FMO5: variants seen among roughly 807,000 people sequenced by gnomAD.
FMO5 encodes the protein flavin containing dimethylaniline monoxygenase 5, also known as flavin-containing monooxygenase 5.
A neutral mutation model predicts 43.6 loss-of-function variants in FMO5; 51 were observed. The ratio of observed to expected loss-of-function variants is 1.17; its 90% CI spans 0.93 to 1.48. The LOEUF (loss-of-function observed/expected upper bound fraction) is 1.48, where lower values mean the gene tolerates loss of function less well. Ranked by LOEUF, FMO5 falls within the 40% of genes most tolerant of loss-of-function variation. The probability of loss-of-function intolerance (pLI) is 0.00; values close to 1 mark genes in which losing one functional copy is unlikely to be tolerated. For missense variants in FMO5, 644 were observed against 643.0 expected, an observed-to-expected ratio of 1.00 and a Z score of -0.02; for synonymous variants, 187 against 216.5, an observed-to-expected ratio of 0.86 and a Z score of 1.20.
intron 5 of FMO5, among the ~76,000 whole-genome samples, chr1:147,212,096 C>T (rs782749809): frequency 1.3e-5 from 2 of 152,212 alleles, no homozygotes; most frequent in African/African-American, 4.8e-5. Context: ...TTTATCAAAG[C>T]CAGAGGCACA....
chr1:147,220,996 G>C (rs955255830), intron 2 of FMO5, among the ~76,000 whole-genome samples: 5 of 149,892 alleles, frequency 3.3e-5, no homozygotes, highest in Non-Finnish European at 5.9e-5. Flanking sequence ...ACCCTTGATG[G>C]GAGGTGAGGA....
intron 7 of FMO5, among the ~76,000 whole-genome samples, chr1:147,200,717 C>T (rs755190582): frequency 6.6e-6 from 1 of 151,402 alleles, no homozygotes; most frequent in Admixed American, 6.6e-5. Context: ...AATTTTCGGC[C>T]GAAATAAAGT....
At chr1:147,187,846 T>C (rs1339375400) in intron 8 of FMO5, among the ~76,000 whole-genome samples, 1 of 152,164 alleles carries the variant, frequency 6.6e-6, no homozygotes, top group Non-Finnish European at 1.5e-5. Context: ...GAAAATGTGG[T>C]TGATTAACAG....
intron 5 of FMO5, 136 bp downstream of exon 5, chr1:147,212,257 C>T (rs1255262833): frequency 7.0e-6 from 6 of 853,766 alleles, no homozygotes; most frequent in African/African-American, 3.4e-5. Context: ...GGTAATGAAA[C>T]GAAGCCCTAT....
chr1:147,216,255 A>G (rs1282095595), intron 2 of FMO5, among the ~76,000 whole-genome samples: 1 of 152,180 alleles, frequency 6.6e-6, no homozygotes, highest in Non-Finnish European at 1.5e-5. Context: ...GAGAAATCCA[A>G]CTACCATGAG....
At position 147,186,741 on chromosome 1, in the gene FMO5, G is replaced by C; in HGVS notation, c.*159C>G. ...GATGAGTTAATACAAATGGAAAACA[G>C]GTTTCATTGTAGGAAAAAGGAAAGT... On this transcript the variant is annotated 3_prime_UTR_variant, in exon 9 of 9. Coordinates refer to ENST00000254090, the MANE Select transcript of FMO5 (RefSeq NM_001461.4). 1 of 1,435,516 alleles carries C rather than the reference G, an allele frequency of 7.0e-7. No homozygotes were observed. The highest frequency in any genetic ancestry group is 9.1e-7 in the Non-Finnish European group (1 of 1,100,976). 88.9% of individuals were successfully genotyped at this position (1,435,516 alleles called of 1,614,324 possible).
intron 7 of FMO5, among the ~76,000 whole-genome samples, chr1:147,193,943 G>T (rs1230822234): frequency 4.6e-5 from 7 of 151,950 alleles, no homozygotes; most frequent in African/African-American, 1.7e-4. Flanking sequence ...GATCAATTTT[G>T]CAATAGGTGT....
chr1:147,192,027 GT>G (rs1277825462), intron 7 of FMO5, among the ~76,000 whole-genome samples: 1 of 152,068 alleles, frequency 6.6e-6, no homozygotes, highest in Non-Finnish European at 1.5e-5. Context: ...CTTTAAAATA[GT>G]TTTTTCCAAT....
intron 6 of FMO5, among the ~76,000 whole-genome samples, chr1:147,201,907 A>G (rs7523812): frequency 0.093 from 14,091 of 152,250 alleles, 733 homozygotes; most frequent in African/African-American, 0.15. Flanking sequence ...TCAAGAGCTA[A>G]GTTTAGGCCA....
Position 147,213,289 on chromosome 1 carries a change from T to C in FMO5, c.487+19A>G. 2.5e-6 allele frequency: 4 copies of C among 1,591,038 alleles called. No individual in the cohort carries two copies. The highest frequency in any genetic ancestry group is 2.3e-5 in the South Asian group (2 of 86,086). On this transcript the variant is annotated intron_variant, in intron 4 of 8. Coordinates refer to ENST00000254090, the MANE Select transcript of FMO5 (RefSeq NM_001461.4). ...CACAGGCATGGGTCAAGGGTCTTCC[T>C]TCCTGGTAAGCTGCTCACCAGGGAA...
intron 7 of FMO5, among the ~76,000 whole-genome samples, chr1:147,191,613 A>T (rs1253678192): frequency 6.6e-6 from 1 of 150,898 alleles, no homozygotes; most frequent in Non-Finnish European, 1.5e-5. Context: ...GGTTGTGAAA[A>T]TTTTTTCCCA....
chr1:147,223,078 C>A (rs1663337385), intron 2 of FMO5, among the ~76,000 whole-genome samples: 1 of 152,190 alleles, frequency 6.6e-6, no homozygotes, highest in African/African-American at 2.4e-5. Context: ...TTATCCACTT[C>A]TTAAAGATGA....
At chr1:147,198,353 G>C (rs1457083442) in intron 7 of FMO5, among the ~76,000 whole-genome samples, 1 of 152,070 alleles carries the variant, frequency 6.6e-6, no homozygotes, top group Non-Finnish European at 1.5e-5. Context: ...TACTTAAGGA[G>C]CTATCACTAT....
At position 147,213,290 on chromosome 1, in the gene FMO5, T is replaced by C. The variant is rs782126269; in HGVS notation, c.487+18A>G. 8.2e-5 allele frequency: 130 copies of C among 1,590,834 alleles called. No homozygotes were observed. The highest frequency in any genetic ancestry group is 1.1e-4 in the Non-Finnish European group (129 of 1,168,012). On this transcript the variant is annotated intron_variant, in intron 4 of 8. Transcript: ENST00000254090. ...ACAGGCATGGGTCAAGGGTCTTCCT[T>C]CCTGGTAAGCTGCTCACCAGGGAAG...
At chr1:147,218,314 C>A (rs1553925481) in intron 2 of FMO5, among the ~76,000 whole-genome samples, 1 of 151,390 alleles carries the variant, frequency 6.6e-6, no homozygotes, top group Admixed American at 6.6e-5. Flanking sequence ...CAGCTCCCTG[C>A]AACCTCTGCC....
rs1442628583 is a variant in FMO5, at chr1:147,223,918, T to G, written c.135+977A>C. 1.6e-5 allele frequency: 6 copies of G among 366,080 alleles called. No individual in the cohort carries two copies. The Admixed American group carries it at 2.1e-4, about 13-fold the overall frequency. 22.7% of individuals were successfully genotyped at this position (366,080 alleles called of 1,614,324 possible). On this transcript the variant is annotated intron_variant, in intron 2 of 8. Transcript: ENST00000254090. Reference sequence around the variant, plus strand: ...TGTTGTCCTGGACTGAGAAGAAAGCTGCTAGCAAAGGGGATACCCCCATCG... The same window carrying G: ...TGTTGTCCTGGACTGAGAAGAAAGCGGCTAGCAAAGGGGATACCCCCATCG...
At chr1:147,209,630 T>C (rs587746560) in intron 5 of FMO5, 1 of 152,526 alleles carries the variant, frequency 6.6e-6, no homozygotes, top group African/African-American at 2.4e-5. Flanking sequence ...AGTGCTATTA[T>C]GCCTGCCTGA....
At chr1:147,223,687 A>G in intron 2 of FMO5, 1 of 178,514 alleles carries the variant, frequency 5.6e-6, no homozygotes, top group Non-Finnish European at 1.2e-5. Flanking sequence ...GACAGGACAT[A>G]CAGCCCCAAA....
chr1:147,185,005 A>C (rs1655495780), downstream of FMO5, among the ~76,000 whole-genome samples: 1 of 152,110 alleles, frequency 6.6e-6, no homozygotes, highest in Non-Finnish European at 1.5e-5. Context: ...ATCGACTTTA[A>C]AATAATTAGG....
Sources: gnomAD v4.1 joint callset for allele counts (sites outside exome capture counted in the v4.1 genomes callset) on GRCh38, gnomAD v4.1.1 for gene constraint, MANE v1.5 for transcripts, NCBI Gene and HGNC (gene_info 2026-07-23, HGNC 2026-07-21) for gene names.